IMMP2L: variants seen among roughly 807,000 people sequenced by gnomAD.
The protein encoded by IMMP2L is mitochondrial inner membrane protease subunit 2.
A neutral mutation model predicts 19.3 loss-of-function variants in IMMP2L; 18 were observed. The ratio of observed to expected loss-of-function variants is 0.93; its 90% CI spans 0.64 to 1.38. The LOEUF (loss-of-function observed/expected upper bound fraction) is 1.38. Among genes scored for constraint, IMMP2L ranks in the 40% most tolerant of loss-of-function variants. The pLI, the probability that IMMP2L is intolerant of heterozygous loss-of-function variation, is 0.00. For missense variants in IMMP2L, 233 were observed against 218.2 expected (o/e 1.07, Z -0.43); for synonymous variants, 76 against 73.0 (o/e 1.04, Z -0.21).
intron 5 of IMMP2L, among the ~76,000 whole-genome samples, chr7:110,677,198 C>A (rs1480846509): frequency 6.6e-6 from 1 of 152,084 alleles, no homozygotes; most frequent in Non-Finnish European, 1.5e-5. Context: ...ATTGAGATTT[C>A]TTGTGGATGC....
intron 3 of IMMP2L, among the ~76,000 whole-genome samples, chr7:111,269,421 T>C (rs1234417914): frequency 6.6e-6 from 1 of 152,188 alleles, no homozygotes; most frequent in African/African-American, 2.4e-5. Flanking sequence ...CATGCAAGTA[T>C]GCAAATAAAT....
chr7:110,939,921 CAT>C (rs1342221559), intron 4 of IMMP2L, among the ~76,000 whole-genome samples: 1 of 152,146 alleles, frequency 6.6e-6, no homozygotes, highest in Non-Finnish European at 1.5e-5. Flanking sequence ...ATTATATACT[CAT>C]GTGGGCAAAA....
intron 2 of IMMP2L, among the ~76,000 whole-genome samples, chr7:111,509,163 G>A (rs1291433079): frequency 6.6e-6 from 1 of 151,950 alleles, no homozygotes; most frequent in Non-Finnish European, 1.5e-5. Flanking sequence ...TTAAGAAAAT[G>A]GTTCTCAAAC....
chr7:110,723,524 G>C (rs1490259593), intron 5 of IMMP2L, among the ~76,000 whole-genome samples: 1 of 1,936 alleles, frequency 5.2e-4, no homozygotes, highest in Non-Finnish European at 9.3e-4. Context: ...CATTCTTTAG[G>C]CTTGATTTTT....
intron 3 of IMMP2L, among the ~76,000 whole-genome samples, chr7:111,425,167 C>T (rs772017008): frequency 1.7e-4 from 26 of 151,656 alleles, no homozygotes; most frequent in Non-Finnish European, 3.4e-4. Context: ...TTACATACTT[C>T]GATTCCTTAA....
intron 3 of IMMP2L, among the ~76,000 whole-genome samples, chr7:111,429,763 C>T (rs1251094763): frequency 6.6e-6 from 1 of 151,788 alleles, no homozygotes; most frequent in Non-Finnish European, 1.5e-5. Context: ...TGGTATCTTC[C>T]TAGAGATCCC....
At chr7:111,521,634 G>A (rs2132676627) in intron 1 of IMMP2L, among the ~76,000 whole-genome samples, 185 bp from the exon 2 acceptor site, 1 of 152,198 alleles carries the variant, frequency 6.6e-6, no homozygotes, top group South Asian at 2.1e-4. Context: ...TGAAATACGT[G>A]AACTCAGGTT....
At chr7:111,549,117 T>C (rs1197545976) in intron 1 of IMMP2L, among the ~76,000 whole-genome samples, 1 of 152,194 alleles carries the variant, frequency 6.6e-6, no homozygotes. Context: ...CAGATGCTCC[T>C]AAATAACCAT....
chr7:110,672,517 A>G (rs1200370529), intron 5 of IMMP2L, among the ~76,000 whole-genome samples: 2 of 152,108 alleles, frequency 1.3e-5, no homozygotes, highest in Non-Finnish European at 2.9e-5. Context: ...TCATTCCACC[A>G]TTAACCCAAA....
At chr7:110,954,740 A>G (rs1271701203) in intron 4 of IMMP2L, among the ~76,000 whole-genome samples, 1 of 152,084 alleles carries the variant, frequency 6.6e-6, no homozygotes, top group Non-Finnish European at 1.5e-5. Flanking sequence ...ACACCAAATA[A>G]ATAACTAGGC....
chr7:111,295,772 T>C (rs1023378415), intron 3 of IMMP2L, among the ~76,000 whole-genome samples: 1 of 151,790 alleles, frequency 6.6e-6, no homozygotes, highest in Non-Finnish European at 1.5e-5. Flanking sequence ...CATGGAGCTA[T>C]GTATAATGAA....
intron 3 of IMMP2L, among the ~76,000 whole-genome samples, chr7:111,360,187 A>G (rs1028615983): frequency 3.3e-5 from 5 of 152,184 alleles, no homozygotes; most frequent in African/African-American, 4.8e-5. Context: ...TCCATAATAC[A>G]TGGAGCTAAA....
intron 5 of IMMP2L, among the ~76,000 whole-genome samples, chr7:110,791,941 T>C (rs1800485130): frequency 1.3e-5 from 2 of 151,796 alleles, no homozygotes; most frequent in Admixed American, 6.6e-5. Flanking sequence ...CACATGGTTT[T>C]CCCTCCTGGA....
chr7:111,140,687 G>T (rs1042783951), intron 3 of IMMP2L, among the ~76,000 whole-genome samples: 1 of 152,172 alleles, frequency 6.6e-6, no homozygotes, highest in African/African-American at 2.4e-5. Context: ...AAATGTCACA[G>T]GATGTAGAAC....
At chr7:111,250,121 C>T (rs747179879) in intron 3 of IMMP2L, among the ~76,000 whole-genome samples, 1 of 152,000 alleles carries the variant, frequency 6.6e-6, no homozygotes, top group Non-Finnish European at 1.5e-5. Context: ...AACAGAAAAG[C>T]GGAGTGGTGA....
intron 5 of IMMP2L, among the ~76,000 whole-genome samples, chr7:110,842,033 T>C (rs1805138066): frequency 6.6e-6 from 1 of 152,144 alleles, no homozygotes; most frequent in Non-Finnish European, 1.5e-5. Context: ...GCATGAAAAT[T>C]GTCCACTGTA....
chr7:111,007,346 A>C (rs1410474638), intron 3 of IMMP2L, among the ~76,000 whole-genome samples: 1 of 152,064 alleles, frequency 6.6e-6, no homozygotes, highest in African/African-American at 2.4e-5. Flanking sequence ...ACAGACCTAA[A>C]CTATTCCACT....
intron 5 of IMMP2L, among the ~76,000 whole-genome samples, chr7:110,704,496 G>A (rs1014322329): frequency 1.3e-5 from 2 of 152,156 alleles, no homozygotes; most frequent in Non-Finnish European, 2.9e-5. Context: ...ATTTTGTTAT[G>A]TGGTGAATTC....
chr7:111,553,251 TCTTTAGG>T (rs1385563425), intron 1 of IMMP2L, among the ~76,000 whole-genome samples: 3 of 152,120 alleles, frequency 2.0e-5, no homozygotes, highest in Admixed American at 1.3e-4. Flanking sequence ...TGGAACCCAG[TCTTTAGG>T]CTTTAGGTTC....
Sources: gnomAD v4.1 joint callset for allele counts (sites outside exome capture counted in the v4.1 genomes callset) on GRCh38, gnomAD v4.1.1 for gene constraint, MANE v1.5 for transcripts, NCBI Gene and HGNC (gene_info 2026-07-23, HGNC 2026-07-21) for gene names.